Variants in GPATCH8 observed in about 807,000 individuals in gnomAD.
The protein encoded by GPATCH8 is G patch domain-containing protein 8.
GPATCH8 carries 18 observed loss-of-function variants against 118.3 expected under a neutral mutation model. That is an observed-to-expected ratio of 0.15 (90% CI 0.11 to 0.23). GPATCH8 has a LOEUF of 0.23. Among genes scored for constraint, GPATCH8 ranks in the 10% least tolerant of loss-of-function variants. The pLI is 1.00. For synonymous variants in GPATCH8, 659 were observed against 684.7 expected (o/e 0.96, Z 0.59); for missense variants, 1,631 against 1,873.8 (o/e 0.87, Z 2.39).
intron 6 of GPATCH8, among the ~76,000 whole-genome samples, chr17:44,421,821 G>A (rs1262719575): frequency 6.6e-6 from 1 of 151,448 alleles, no homozygotes; most frequent in Non-Finnish European, 1.5e-5. Flanking sequence ...CCGCCTCCCA[G>A]GTTCAGGCAA....
chr17:44,488,639 G>A (rs546319243), intron 1 of GPATCH8, among the ~76,000 whole-genome samples: 359 of 151,462 alleles, frequency 2.4e-3, no homozygotes, highest in African/African-American at 8.6e-3. Context: ...CCAAAGTGCT[G>A]GGATTACAGG....
chr17:44,448,538 GAAGAAGAAGAGGAAGA>G, intron 3 of GPATCH8, among the ~76,000 whole-genome samples: 1 of 31,536 alleles, frequency 3.2e-5, no homozygotes, highest in African/African-American at 7.2e-5. Context: ...GAAGAAGAAG[GAAGAAGAAGAGGAAGA>G]GGAAGAAGAA....
chr17:44,431,621 G>C (rs928144594), intron 5 of GPATCH8, among the ~76,000 whole-genome samples: 3 of 151,914 alleles, frequency 2.0e-5, no homozygotes, highest in African/African-American at 7.3e-5. Context: ...AAGTCTGGTA[G>C]AGCTATTTGG....
At position 44,400,531 on chromosome 17, in the gene GPATCH8, T is replaced by C. The variant is rs1369658569; in HGVS notation, c.1546A>G (p.Thr516Ala). 21 of 1,613,780 alleles carry C rather than the reference T, an allele frequency of 1.3e-5. No individual in the cohort carries two copies. Among genetic ancestry groups the C allele is most frequent in the Non-Finnish European group, 1.6e-5 (19 of 1,179,890 alleles). ...QMCESNSSKETSLATPAGKES... is the reference protein window; with the variant it reads ...QMCESNSSKEASLATPAGKES... ...TTCCCTGCTGGGGTGGCCAGAGAGGTTTCTTTAGAAGAGTTGGACTCACAC... is the reference window on the plus strand; with the variant it reads ...TTCCCTGCTGGGGTGGCCAGAGAGGCTTCTTTAGAAGAGTTGGACTCACAC... Residue 516 changes from threonine (T) to alanine (A), a missense_variant, in exon 8 of 8, where the codon ACC becomes GCC. By Grantham distance (58) the Thr-to-Ala change is moderately conservative. Transcript: ENST00000591680.
At chr17:44,467,656 T>G (rs989849917) in intron 2 of GPATCH8, among the ~76,000 whole-genome samples, 1 of 152,172 alleles carries the variant, frequency 6.6e-6, no homozygotes, top group African/African-American at 2.4e-5. Context: ...AAACTGGACC[T>G]TTCCTATCAT....
At chr17:44,441,390 C>CT (rs77045197) in intron 3 of GPATCH8, among the ~76,000 whole-genome samples, 81,948 of 152,084 alleles carry the variant, frequency 0.54, 22,772 homozygotes, top group Middle Eastern at 0.63. Context: ...ATCTCTGCTG[C>CT]TTTCCCCTTA....
chr17:44,407,725 T>A (rs2049285502), intron 6 of GPATCH8, among the ~76,000 whole-genome samples: 1 of 151,624 alleles, frequency 6.6e-6, no homozygotes, highest in African/African-American at 2.4e-5. Context: ...GGCACAATCT[T>A]GGCTCACTGC....
rs1966933372 is a variant in GPATCH8 at position 44,467,979 on chromosome 17, G to C, written c.121-3435C>G. Among the ~76,000 whole-genome samples, 5 of 151,406 alleles carry C rather than the reference G, an allele frequency of 3.3e-5. 1 individual carries two copies. The South Asian group carries it at 1.0e-3, about 31-fold the overall frequency. ...CTCTCTGTTAACGACTGTAATTTTTGCAAATTATTCCAATTATTCCAGGAT... is the reference window on the plus strand; with the variant it reads ...CTCTCTGTTAACGACTGTAATTTTTCCAAATTATTCCAATTATTCCAGGAT... On this transcript the variant is annotated intron_variant, in intron 2 of 7. Coordinates refer to ENST00000591680, the MANE Select transcript of GPATCH8 (RefSeq NM_001002909.4).
At chr17:44,489,059 C>CA (rs537877712) in intron 1 of GPATCH8, among the ~76,000 whole-genome samples, 15 of 150,502 alleles carry the variant, frequency 1.0e-4, no homozygotes, top group East Asian at 5.9e-4. Context: ...ACTCCCATCT[C>CA]AAAAAAAACA....
chr17:44,500,693 A>G (rs1217656449), intron 1 of GPATCH8, among the ~76,000 whole-genome samples: 1 of 152,236 alleles, frequency 6.6e-6, no homozygotes, highest in Non-Finnish European at 1.5e-5. Context: ...CGAACTTACC[A>G]GAGAAGATGA....
rs1968888329 is a variant in GPATCH8 at position 44,487,633 on chromosome 17, T to C, written c.46-12730A>G. 1.3e-5 allele frequency among the ~76,000 whole-genome samples: 2 copies of C among 152,326 alleles called. 1 individual carries two copies. The highest frequency in any genetic ancestry group is 6.8e-3 in the Middle Eastern group (2 of 294). ...TGGTGTCTTTTGCAGAACAGAAGTT[T>C]TAAATTTTAATAAAGTCTAACTTAC... On this transcript the variant is annotated intron_variant, in intron 1 of 7. Coordinates refer to ENST00000591680, the MANE Select transcript of GPATCH8 (RefSeq NM_001002909.4).
chr17:44,503,223 G>A (rs1353156270), intron 1 of GPATCH8, 103 bp downstream of exon 1: 22 of 1,094,172 alleles, frequency 2.0e-5, no homozygotes, highest in Non-Finnish European at 2.9e-5. Flanking sequence ...TGGTTCGCAA[G>A]TCGGAGCAAA....
rs2048891526 is a variant in GPATCH8 at position 44,398,963 on chromosome 17, A to G, written c.3114T>C (p.Tyr1038=). The part of the protein sequence containing the change: ...SKIYRSQSPH[Y]FRSGRGEGPG... Reference sequence around the variant, plus strand: ...GACCTTCTCCCCGGCCTGATCGGAAATAGTGGGGGGACTGGGAGCGGTAGA... The same window carrying G: ...GACCTTCTCCCCGGCCTGATCGGAAGTAGTGGGGGGACTGGGAGCGGTAGA... The change falls in exon 8 of 8, where the codon TAT becomes TAC. Residue 1038 remains tyrosine, a synonymous_variant. Coordinates refer to ENST00000591680, the MANE Select transcript of GPATCH8 (RefSeq NM_001002909.4). 1.2e-6 allele frequency: 2 copies of G among 1,614,076 alleles called. No homozygotes were observed. The highest frequency in any genetic ancestry group is 3.3e-5 in the Admixed American group (2 of 60,022).
chr17:44,436,676 C>G, intron 3 of GPATCH8, 131 bp from the exon 4 acceptor site: 1 of 721,622 alleles, frequency 1.4e-6, no homozygotes, highest in Middle Eastern at 2.3e-4. Flanking sequence ...GAACCAAACA[C>G]AAGCCATTCT....
At chr17:44,459,110 G>A (rs2051450463) in intron 3 of GPATCH8, among the ~76,000 whole-genome samples, 2 of 152,136 alleles carry the variant, frequency 1.3e-5, no homozygotes, top group African/African-American at 4.8e-5. Context: ...TTAGACTCAG[G>A]AGTAGAGATG....
intron 3 of GPATCH8, among the ~76,000 whole-genome samples, chr17:44,439,813 C>T (rs931908991): frequency 1.0e-4 from 14 of 139,508 alleles, no homozygotes; most frequent in African/African-American, 2.9e-4. Context: ...GATGGAGTTT[C>T]GCTCTTGTTG....
At chr17:44,433,468 G>A (rs1215692355) in intron 5 of GPATCH8, among the ~76,000 whole-genome samples, 5 of 152,170 alleles carry the variant, frequency 3.3e-5, no homozygotes, top group African/African-American at 1.2e-4. Context: ...ATATAAATTA[G>A]TGAATAAAAA....
chr17:44,464,170 T>C lies in GPATCH8; in HGVS notation c.193+302A>G, dbSNP rs142354958. On this transcript the variant is annotated intron_variant, in intron 3 of 7. Coordinates refer to ENST00000591680, the MANE Select transcript of GPATCH8 (RefSeq NM_001002909.4). ...GCATACTCTGATATTTTGCATTCCTTTTACTCCACTCACCCATCACCTCCA... is the reference window on the plus strand; with the variant it reads ...GCATACTCTGATATTTTGCATTCCTCTTACTCCACTCACCCATCACCTCCA... Among the ~76,000 whole-genome samples the C allele has an allele frequency of 2.0e-4, 31 of 152,218 alleles. No individual in the cohort carries two copies. The East Asian group carries it at 6.0e-3, about 29-fold the overall frequency.
intron 6 of GPATCH8, among the ~76,000 whole-genome samples, chr17:44,418,293 A>G (rs995130117): frequency 3.9e-5 from 6 of 152,190 alleles, no homozygotes; most frequent in Non-Finnish European, 8.8e-5. Context: ...TTGAAATGCT[A>G]AAGAAAATGA....
Sources: gnomAD v4.1 joint callset for allele counts (sites outside exome capture counted in the v4.1 genomes callset) on GRCh38, gnomAD v4.1.1 for gene constraint, MANE v1.5 for transcripts, NCBI Gene and HGNC (gene_info 2026-07-23, HGNC 2026-07-21) for gene names.